The following DOK6 variants were observed in gnomAD, a reference collection of about 807,000 sequenced individuals.
DOK6 encodes downstream of tyrosine kinase 6.
DOK6 carries 22 observed loss-of-function variants against 44.0 expected under a neutral mutation model. The observed-to-expected ratio is 0.50, with a 90% confidence interval of 0.36 to 0.71. The LOEUF is 0.71. DOK6 is among the 30% of genes least tolerant of loss of function. The pLI is 0.00. For missense variants in DOK6, 340 were observed against 416.4 expected (o/e 0.82, Z 1.60); for synonymous variants, 166 against 145.5 (o/e 1.14, Z -1.01).
intron 3 of DOK6, among the ~76,000 whole-genome samples, chr18:69,646,010 G>A (rs927619805): frequency 2.6e-5 from 4 of 152,038 alleles, no homozygotes; most frequent in Non-Finnish European, 5.9e-5. Flanking sequence ...TTTTACCTGG[G>A]ATCTAAAAGG....
intron 3 of DOK6, chr18:69,661,283 G>C (rs780099387): frequency 2.6e-5 from 4 of 152,190 alleles, no homozygotes; most frequent in Non-Finnish European, 4.4e-5. Context: ...AAGGGCAAGG[G>C]ATCTCTCTGG....
rs1445917634 is a variant in DOK6 at position 69,704,473 on chromosome 18, GA to G, written c.599+5881del. Among the ~76,000 whole-genome samples, 318 of 96,142 alleles carry G rather than the reference GA, an allele frequency of 3.3e-3. 1 individual carries two copies. Among genetic ancestry groups the G allele is most frequent in the Non-Finnish European group, 3.4e-3 (160 of 47,272 alleles). The allele number at this position is 96,142 out of a possible 152,430, so 63.1% of individuals were successfully genotyped here. ...CAGTGTGTACATCAGGTCCAGATAT[GA>G]CTTTTTTTTTTTTTTTTTTTTGGAG... On this transcript the variant is annotated intron_variant, in intron 5 of 7. Coordinates refer to ENST00000382713, the MANE Select transcript of DOK6 (RefSeq NM_152721.6).
At chr18:69,787,136 A>C (rs1051814966) in intron 7 of DOK6, among the ~76,000 whole-genome samples, 2 of 152,180 alleles carry the variant, frequency 1.3e-5, no homozygotes, top group African/African-American at 4.8e-5. Flanking sequence ...GAATCGCTTG[A>C]ACCTGGGAGG....
intron 1 of DOK6, among the ~76,000 whole-genome samples, chr18:69,465,743 T>C (rs1979908620): frequency 6.6e-6 from 1 of 152,016 alleles, no homozygotes; most frequent in Admixed American, 6.6e-5. Context: ...TCTTTGCTAT[T>C]GTGAATAGTG....
chr18:69,572,510 T>C (rs2144603936), intron 2 of DOK6, among the ~76,000 whole-genome samples: 1 of 152,132 alleles, frequency 6.6e-6, no homozygotes, highest in East Asian at 1.9e-4. Context: ...GAAATGTCAC[T>C]GCTAAAGTTG....
At chr18:69,480,876 G>C (rs942124892) in intron 1 of DOK6, among the ~76,000 whole-genome samples, 23 of 152,288 alleles carry the variant, frequency 1.5e-4, no homozygotes, top group African/African-American at 4.8e-4. Context: ...CCAAGTCAGA[G>C]AACTGTACAT....
intron 6 of DOK6, among the ~76,000 whole-genome samples, chr18:69,750,758 CA>C (rs1979150791): frequency 6.6e-6 from 1 of 152,216 alleles, no homozygotes; most frequent in African/African-American, 2.4e-5. Flanking sequence ...GAATCAGTGT[CA>C]AAGAGATTCA....
intron 1 of DOK6, among the ~76,000 whole-genome samples, chr18:69,414,020 CA>C (rs941931312): frequency 2.0e-5 from 3 of 151,876 alleles, no homozygotes; most frequent in African/African-American, 7.3e-5. Flanking sequence ...TAGGAAGATG[CA>C]AATTAAAACT....
chr18:69,468,380 T>C (rs1243458635), intron 1 of DOK6, among the ~76,000 whole-genome samples: 1 of 152,230 alleles, frequency 6.6e-6, no homozygotes, highest in African/African-American at 2.4e-5. Context: ...CAAAATGTCA[T>C]ATGTGCCCCA....
intron 1 of DOK6, among the ~76,000 whole-genome samples, chr18:69,513,554 G>A (rs1981434241): frequency 6.6e-6 from 1 of 152,158 alleles, no homozygotes. Flanking sequence ...CTAGTGAATT[G>A]TATTTACCTG....
chr18:69,619,085 G>A (rs948249529), intron 3 of DOK6, among the ~76,000 whole-genome samples: 8 of 152,130 alleles, frequency 5.3e-5, no homozygotes, highest in Non-Finnish European at 8.8e-5. Context: ...AAAACTAAAT[G>A]CAGAGAACAT....
At chr18:69,657,386 C>G (rs2144668351) in intron 3 of DOK6, among the ~76,000 whole-genome samples, 1 of 152,288 alleles carries the variant, frequency 6.6e-6, no homozygotes, top group South Asian at 2.1e-4. Context: ...TGCCCTGAGA[C>G]TGGGATGGAA....
chr18:69,785,892 C>G lies in DOK6; in HGVS notation c.856+28019C>G, dbSNP rs561874727. On this transcript the variant is annotated intron_variant, in intron 7 of 7. Transcript: ENST00000382713. ...ATGATTAAAATGCTCTTCTAGCTCT[C>G]TTTGTTAGAAAGGTAATGCTCTCTC... Among the ~76,000 whole-genome samples the G allele has an allele frequency of 5.3e-5, 8 of 152,234 alleles. No homozygotes were observed. The South Asian group carries it at 1.7e-3, about 32-fold the overall frequency.
At chr18:69,490,151 G>A (rs933683595) in intron 1 of DOK6, among the ~76,000 whole-genome samples, 5 of 151,928 alleles carry the variant, frequency 3.3e-5, no homozygotes, top group African/African-American at 1.2e-4. Context: ...CAAAAAAAAA[G>A]CAAAACAAAC....
intron 3 of DOK6, among the ~76,000 whole-genome samples, chr18:69,650,451 G>A (rs568507577): frequency 9.9e-5 from 15 of 152,230 alleles, no homozygotes; most frequent in African/African-American, 3.6e-4. Context: ...CAGACCCGGG[G>A]TCCTAAAAAG....
chr18:69,494,064 T>C (rs1466181581), intron 1 of DOK6, among the ~76,000 whole-genome samples: 1 of 152,240 alleles, frequency 6.6e-6, no homozygotes, highest in African/African-American at 2.4e-5. Flanking sequence ...CTAAATGAGA[T>C]ATTTTGTCTT....
Position 69,844,748 on chromosome 18 carries a change from C to A in DOK6, c.*3365C>A, listed in dbSNP as rs947855078. On this transcript the variant is annotated 3_prime_UTR_variant, in exon 8 of 8. Transcript: ENST00000382713. Reference sequence around the variant, plus strand: ...ATATATTTATATATGAGGGAAGATGCTGTTTGATAGAGCATGTGAAATCAA... The same window carrying A: ...ATATATTTATATATGAGGGAAGATGATGTTTGATAGAGCATGTGAAATCAA... 6.6e-6 allele frequency: 1 copy of A among 152,086 alleles called. No individual in the cohort carries two copies. Among genetic ancestry groups the A allele is most frequent in the Non-Finnish European group, 1.5e-5 (1 of 68,016 alleles). The allele number at this position is 152,086 out of a possible 1,614,324, so 9.4% of individuals were successfully genotyped here.
chr18:69,707,678 ACACT>A (rs1157614301), intron 5 of DOK6, among the ~76,000 whole-genome samples: 1 of 152,202 alleles, frequency 6.6e-6, no homozygotes, highest in African/African-American at 2.4e-5. Flanking sequence ...AATTAGGACA[ACACT>A]CACATCAAAA....
At chr18:69,772,612 G>A (rs925298373) in intron 7 of DOK6, among the ~76,000 whole-genome samples, 1 of 152,048 alleles carries the variant, frequency 6.6e-6, no homozygotes, top group East Asian at 1.9e-4. Context: ...ACACAATGGG[G>A]AAAGGATAGT....
Sources: allele counts gnomAD v4.1 joint callset (sites outside exome capture counted in the v4.1 genomes callset), GRCh38; gene constraint gnomAD v4.1.1; transcripts MANE v1.5; gene names NCBI Gene and HGNC (gene_info 2026-07-23, HGNC 2026-07-21).